RELL1: variants seen among roughly 807,000 people sequenced by gnomAD.
RELL1 encodes RELT like 1, also known as RELT-like protein 1.
RELL1 carries 10 observed loss-of-function variants against 23.0 expected under a neutral mutation model. The ratio of observed to expected loss-of-function variants is 0.43; its 90% CI spans 0.27 to 0.74. RELL1 has a LOEUF of 0.74. RELL1 is among the 30% of genes least tolerant of loss of function. RELL1 has a pLI of 0.19. For missense variants in RELL1, 315 were observed against 364.4 expected, an observed-to-expected ratio of 0.86 and a Z score of 1.10; for synonymous variants, 146 against 146.8, an observed-to-expected ratio of 0.99 and a Z score of 0.04.
At chr4:37,620,292 A>C (rs1719722784) in intron 6 of RELL1, among the ~76,000 whole-genome samples, 3 of 152,198 alleles carry the variant, frequency 2.0e-5, no homozygotes, top group Admixed American at 2.0e-4. Context: ...TTTAGATCTG[A>C]AGTCTGAAGG....
At chr4:37,686,062 C>T in intron 1 of RELL1, 138 bp downstream of exon 1, 1 of 723,750 alleles carries the variant, frequency 1.4e-6, no homozygotes, top group South Asian at 1.8e-5. Flanking sequence ...GCGGGACAGC[C>T]AGTTGTTCAG....
intron 1 of RELL1, among the ~76,000 whole-genome samples, chr4:37,663,479 G>A (rs1390129272): frequency 6.6e-5 from 10 of 152,250 alleles, no homozygotes; most frequent in Admixed American, 6.5e-4. Flanking sequence ...TTTCTGAAAG[G>A]TGGTACGTCA....
At chr4:37,630,617 G>A (rs1720098453) in intron 6 of RELL1, among the ~76,000 whole-genome samples, 4 of 151,786 alleles carry the variant, frequency 2.6e-5, no homozygotes, top group South Asian at 4.2e-4. Flanking sequence ...CGCCTGCCTC[G>A]GCCTCCCAAA....
At chr4:37,671,195 A>G (rs1340235620) in intron 1 of RELL1, among the ~76,000 whole-genome samples, 2 of 152,222 alleles carry the variant, frequency 1.3e-5, no homozygotes, top group African/African-American at 4.8e-5. Flanking sequence ...CCTAGGGACT[A>G]CAAATTGGGG....
intron 6 of RELL1, among the ~76,000 whole-genome samples, chr4:37,604,810 G>GACACACACACACAC (rs199773530): frequency 9.5e-5 from 7 of 73,636 alleles, no homozygotes; most frequent in South Asian, 4.7e-4. Context: ...CACACACACA[G>GACACACACACACAC]ACACACACAC....
At chr4:37,654,034 A>C (rs1721039900) in intron 1 of RELL1, among the ~76,000 whole-genome samples, 1 of 152,342 alleles carries the variant, frequency 6.6e-6, no homozygotes, top group African/African-American at 2.4e-5. Flanking sequence ...TTTGTCATAC[A>C]GCAATAGTAA....
At chr4:37,604,920 G>GAC (rs1491085547) in intron 6 of RELL1, among the ~76,000 whole-genome samples, 59,594 of 106,554 alleles carry the variant, frequency 0.56, 18,111 homozygotes, top group Middle Eastern at 0.62. Context: ...CACACACACA[G>GAC]ACACACACAC....
downstream of RELL1, among the ~76,000 whole-genome samples, chr4:37,586,846 G>A (rs1187957844): frequency 3.3e-5 from 5 of 152,326 alleles, no homozygotes; most frequent in East Asian, 9.6e-4. Flanking sequence ...GGAGGCAGAG[G>A]TTGCAGCGAG....
chr4:37,605,138 C>T (rs979672853), intron 6 of RELL1, among the ~76,000 whole-genome samples: 2 of 152,288 alleles, frequency 1.3e-5, no homozygotes, highest in East Asian at 1.9e-4. Context: ...AAGCTTAGAA[C>T]GAGTACTATG....
chr4:37,620,499 C>G (rs1719729249), intron 6 of RELL1, among the ~76,000 whole-genome samples: 1 of 152,224 alleles, frequency 6.6e-6, no homozygotes. Flanking sequence ...AAGGATTCAA[C>G]TGGAAATTAT....
intron 1 of RELL1, among the ~76,000 whole-genome samples, chr4:37,652,499 C>T (rs1343937995): frequency 6.6e-6 from 1 of 152,214 alleles, no homozygotes; most frequent in Admixed American, 6.5e-5. Context: ...TTATATAACA[C>T]ATATTCCACG....
At position 37,590,987 on chromosome 4, in the gene RELL1, A is replaced by G. The variant is rs1213656483; in HGVS notation, c.*234T>C. 1.9e-6 allele frequency: 3 copies of G among 1,610,594 alleles called. No individual in the cohort carries two copies. In the South Asian group the frequency reaches 3.3e-5, roughly 18 times the overall value. ...GCTGCTACTGCAGGAGAAGATTTGG[A>G]TGAGACTGATTAGGGGAGGGGATTT... On this transcript the variant is annotated 3_prime_UTR_variant, in exon 7 of 7. Transcript: ENST00000314117.
At chr4:37,631,659 A>G (rs1720141301) in intron 5 of RELL1, 136 bp from the exon 6 acceptor site, 4 of 921,176 alleles carry the variant, frequency 4.3e-6, no homozygotes, top group Non-Finnish European at 3.3e-6. Flanking sequence ...AAAACAACAT[A>G]TTCGAACATG....
intron 3 of RELL1, among the ~76,000 whole-genome samples, chr4:37,643,595 T>G (rs1314207789): frequency 6.6e-6 from 1 of 152,224 alleles, no homozygotes; most frequent in Non-Finnish European, 1.5e-5. Flanking sequence ...GGTACACGTA[T>G]CACTTTTAAA....
intron 1 of RELL1, among the ~76,000 whole-genome samples, chr4:37,680,704 G>T (rs989900742): frequency 7.2e-5 from 11 of 152,150 alleles, no homozygotes; most frequent in African/African-American, 2.6e-4. Context: ...CGAGGCGGGC[G>T]GATCATGAGG....
chr4:37,641,036 T>A (rs1169473474), intron 3 of RELL1, among the ~76,000 whole-genome samples: 1 of 152,160 alleles, frequency 6.6e-6, no homozygotes, highest in African/African-American at 2.4e-5. Context: ...ACCTATAAAA[T>A]GAAAGGTCAA....
intron 1 of RELL1, chr4:37,665,365 G>T (rs1444706812): frequency 4.4e-6 from 2 of 450,110 alleles, no homozygotes; most frequent in South Asian, 3.2e-5. Context: ...GAAATCAACA[G>T]AAGTTTCCAG....
At chr4:37,680,931 C>CA (rs397992973) in intron 1 of RELL1, among the ~76,000 whole-genome samples, 1,924 of 73,088 alleles carry the variant, frequency 0.026, 34 homozygotes, top group African/African-American at 0.03. Flanking sequence ...CACTCCATCT[C>CA]AAAAAAAAAA....
downstream of RELL1, among the ~76,000 whole-genome samples, chr4:37,607,094 A>C (rs1719245121): frequency 6.6e-6 from 1 of 152,204 alleles, no homozygotes; most frequent in African/African-American, 2.4e-5. Context: ...AGTCTACAAA[A>C]GAACTGATCA....
Sources: allele counts gnomAD v4.1 joint callset (sites outside exome capture counted in the v4.1 genomes callset), GRCh38; gene constraint gnomAD v4.1.1; transcripts MANE v1.5; gene names NCBI Gene and HGNC (gene_info 2026-07-23, HGNC 2026-07-21).